The following NLK variants were observed in gnomAD, a reference collection of about 807,000 sequenced individuals.
NLK encodes nemo like kinase.
A neutral mutation model predicts 59.0 loss-of-function variants in NLK; 11 were observed. The observed-to-expected ratio is 0.19, with a 90% confidence interval of 0.12 to 0.31. NLK has a LOEUF of 0.31. Among genes scored for constraint, NLK ranks in the 10% least tolerant of loss-of-function variants. The pLI is 1.00. For synonymous variants in NLK, 235 were observed against 235.9 expected (o/e 1.00, Z 0.03); for missense variants, 410 against 661.1 (o/e 0.62, Z 4.16).
intron 7 of NLK, among the ~76,000 whole-genome samples, chr17:28,179,272 C>T (rs916117556): frequency 1.3e-5 from 2 of 151,904 alleles, no homozygotes; most frequent in Non-Finnish European, 2.9e-5. Context: ...GACAGGGTCT[C>T]GCTCTGTCAC....
At chr17:28,141,363 A>T (rs1906985041) in intron 3 of NLK, among the ~76,000 whole-genome samples, 1 of 152,158 alleles carries the variant, frequency 6.6e-6, no homozygotes, top group African/African-American at 2.4e-5. Context: ...CCAACCACAA[A>T]TGAGCTACAC....
chr17:28,114,741 G>A (rs1006341067), intron 1 of NLK, among the ~76,000 whole-genome samples: 1 of 152,118 alleles, frequency 6.6e-6, no homozygotes, highest in African/African-American at 2.4e-5. Context: ...GTGTGGAGTA[G>A]GTTTGGAGGT....
At chr17:28,194,459 C>A in intron 10 of NLK, 123 bp from the exon 11 acceptor site, 1 of 672,792 alleles carries the variant, frequency 1.5e-6, no homozygotes, top group Non-Finnish European at 2.5e-6. Context: ...TTCAAAGAAA[C>A]AAATAAAAAT....
At chr17:28,053,023 ACCTTGACCT>A (rs565101818) in intron 1 of NLK, among the ~76,000 whole-genome samples, 94 of 151,080 alleles carry the variant, frequency 6.2e-4, no homozygotes, top group Non-Finnish European at 1.1e-3. Context: ...CAGTTTGCCC[ACCTTGACCT>A]CCCAAAGTGC....
At chr17:28,172,647 T>C in intron 7 of NLK, 29 bp downstream of exon 7, 2 of 1,315,626 alleles carry the variant, frequency 1.5e-6, no homozygotes, top group Non-Finnish European at 2.1e-6. Context: ...CTTTTTCTGG[T>C]AACCATCTGT....
At chr17:28,123,987 T>C (rs909710759) in intron 2 of NLK, among the ~76,000 whole-genome samples, 7 of 152,160 alleles carry the variant, frequency 4.6e-5, no homozygotes, top group African/African-American at 1.7e-4. Flanking sequence ...CACAAAAAAC[T>C]CGAGAACTTT....
At chr17:28,193,094 C>G (rs1371109313) in intron 10 of NLK, among the ~76,000 whole-genome samples, 2 of 152,094 alleles carry the variant, frequency 1.3e-5, no homozygotes, top group African/African-American at 2.4e-5. Flanking sequence ...AAACCACTTC[C>G]CTAGAATACA....
intron 7 of NLK, among the ~76,000 whole-genome samples, chr17:28,180,633 T>TA (rs761463272): frequency 4.6e-5 from 7 of 152,196 alleles, no homozygotes; most frequent in Non-Finnish European, 1.0e-4. Flanking sequence ...AGCTATGACA[T>TA]ATCTTCACCA....
At chr17:28,103,663 C>A (rs1391087462) in intron 1 of NLK, among the ~76,000 whole-genome samples, 1 of 152,104 alleles carries the variant, frequency 6.6e-6, no homozygotes, top group African/African-American at 2.4e-5. Context: ...TGAATACTTT[C>A]AAAAATCTAG....
At chr17:28,124,713 G>T (rs867600271) in intron 2 of NLK, among the ~76,000 whole-genome samples, 1 of 152,062 alleles carries the variant, frequency 6.6e-6, no homozygotes, top group Non-Finnish European at 1.5e-5. Flanking sequence ...CTCAAGTAAA[G>T]GTATCCATGA....
chr17:28,197,476 A>G (rs1229405203), downstream of NLK, among the ~76,000 whole-genome samples: 3 of 152,088 alleles, frequency 2.0e-5, no homozygotes, highest in African/African-American at 4.8e-5. Context: ...CTCAAAAAAA[A>G]AAAAAAAACA....
intron 1 of NLK, among the ~76,000 whole-genome samples, chr17:28,117,887 T>C (rs1371054529): frequency 6.6e-6 from 1 of 152,194 alleles, no homozygotes; most frequent in Admixed American, 6.5e-5. Context: ...TAGAAAGATT[T>C]CTTCTAAATT....
At chr17:28,072,429 A>G (rs1219411768) in intron 1 of NLK, among the ~76,000 whole-genome samples, 2 of 150,712 alleles carry the variant, frequency 1.3e-5, no homozygotes, top group African/African-American at 2.4e-5. Context: ...GTGCTCAAGC[A>G]ATCCTCCAAC....
intron 1 of NLK, among the ~76,000 whole-genome samples, chr17:28,077,105 G>C (rs1235605915): frequency 1.8e-5 from 1 of 54,550 alleles, no homozygotes; most frequent in African/African-American, 7.3e-5. Flanking sequence ...TTTTGGCTTT[G>C]TACTTCTCTT....
chr17:28,203,133 G>A, the NLK span, among the ~76,000 whole-genome samples: 5 of 145,192 alleles, frequency 3.4e-5, no homozygotes, highest in African/African-American at 1.1e-4. Flanking sequence ...ACGCAAACAC[G>A]TATGTGTGTG....
At chr17:28,078,679 G>A (rs1409763201) in intron 1 of NLK, among the ~76,000 whole-genome samples, 5 of 152,108 alleles carry the variant, frequency 3.3e-5, no homozygotes, top group Non-Finnish European at 7.3e-5. Flanking sequence ...GATACATGTA[G>A]TGTGCCTAGT....
chr17:28,120,376 G>A (rs1905990802), intron 1 of NLK, among the ~76,000 whole-genome samples: 1 of 151,976 alleles, frequency 6.6e-6, no homozygotes, highest in East Asian at 1.9e-4. Flanking sequence ...CCAAAGTGCT[G>A]GGTTTAACAG....
chr17:28,144,462 A>G (rs1408861193), intron 3 of NLK, among the ~76,000 whole-genome samples: 1 of 151,996 alleles, frequency 6.6e-6, no homozygotes, highest in Non-Finnish European at 1.5e-5. Context: ...AAAAATAAAT[A>G]TATCTCTAAA....
At chr17:28,075,980 A>G (rs1449981453) in intron 1 of NLK, among the ~76,000 whole-genome samples, 4 of 152,218 alleles carry the variant, frequency 2.6e-5, no homozygotes, top group African/African-American at 7.2e-5. Flanking sequence ...GCACATTGAA[A>G]TGGTGAAGTG....
Sources: allele counts gnomAD v4.1 joint callset (sites outside exome capture counted in the v4.1 genomes callset), GRCh38; gene constraint gnomAD v4.1.1; transcripts MANE v1.5; gene names NCBI Gene and HGNC (gene_info 2026-07-23, HGNC 2026-07-21).